The following CNTNAP2 variants were observed in gnomAD, a reference collection of about 807,000 sequenced individuals.
The protein encoded by CNTNAP2 is contactin-associated protein-like 2.
A neutral mutation model predicts 155.2 loss-of-function variants in CNTNAP2; 98 were observed. The observed-to-expected ratio is 0.63, with a 90% CI of 0.54 to 0.75. The LOEUF (loss-of-function observed/expected upper bound fraction) is 0.75. Among genes scored for constraint, CNTNAP2 ranks in the 30% least tolerant of loss-of-function variants. CNTNAP2 has a pLI of 0.00. For synonymous variants in CNTNAP2, 651 were observed against 631.2 expected (o/e 1.03, Z -0.47); for missense variants, 1,727 against 1,688.1 (o/e 1.02, Z -0.40).
chr7:146,789,799 C>T (rs1164127780), intron 2 of CNTNAP2, among the ~76,000 whole-genome samples: 2 of 151,248 alleles, frequency 1.3e-5, no homozygotes, highest in Non-Finnish European at 2.9e-5. Context: ...ATATTCAAAA[C>T]ACACCTGGGA....
chr7:147,535,878 G>A (rs115884591), intron 11 of CNTNAP2, among the ~76,000 whole-genome samples: 2,225 of 151,592 alleles, frequency 0.015, 58 homozygotes, highest in African/African-American at 0.051. Flanking sequence ...AAAGACAGGC[G>A]TTGCCAGGAA....
chr7:147,548,987 A>G (rs1799796904), intron 11 of CNTNAP2, among the ~76,000 whole-genome samples: 1 of 152,194 alleles, frequency 6.6e-6, no homozygotes, highest in Admixed American at 6.5e-5. Flanking sequence ...GTACCAGTAC[A>G]TGCTCTTTTG....
intron 13 of CNTNAP2, among the ~76,000 whole-genome samples, chr7:147,899,897 A>AC (rs1220223842): frequency 2.7e-5 from 2 of 74,132 alleles, no homozygotes; most frequent in Non-Finnish European, 6.4e-5. Flanking sequence ...CATCTCAAAA[A>AC]AAAAAAAAGA....
At chr7:147,588,439 T>C (rs1800674752) in intron 12 of CNTNAP2, among the ~76,000 whole-genome samples, 1 of 152,118 alleles carries the variant, frequency 6.6e-6, no homozygotes, top group Non-Finnish European at 1.5e-5. Flanking sequence ...TGAATAGATG[T>C]ATTAGAATTT....
intron 11 of CNTNAP2, among the ~76,000 whole-genome samples, chr7:147,520,007 G>A (rs571308652): frequency 3.9e-5 from 6 of 152,238 alleles, no homozygotes; most frequent in Non-Finnish European, 5.9e-5. Flanking sequence ...TGGAGGGAGC[G>A]TTTCTTTGAT....
chr7:147,854,520 A>G (rs1799003916), intron 13 of CNTNAP2, among the ~76,000 whole-genome samples: 1 of 152,102 alleles, frequency 6.6e-6, no homozygotes, highest in Non-Finnish European at 1.5e-5. Flanking sequence ...TTACAGTATC[A>G]ACTGCATACC....
At chr7:147,277,903 G>A (rs1055916977) in intron 8 of CNTNAP2, among the ~76,000 whole-genome samples, 1 of 150,902 alleles carries the variant, frequency 6.6e-6, no homozygotes, top group Non-Finnish European at 1.5e-5. Flanking sequence ...TTTGAAATTC[G>A]AAGTCCTTCA....
intron 9 of CNTNAP2, among the ~76,000 whole-genome samples, chr7:147,379,689 G>A (rs1419000875): frequency 6.6e-6 from 1 of 151,948 alleles, no homozygotes; most frequent in Non-Finnish European, 1.5e-5. Flanking sequence ...CCTCTTTGCT[G>A]ACTAGTTAAT....
chr7:146,822,521 C>T (rs534598256), intron 2 of CNTNAP2, among the ~76,000 whole-genome samples: 3 of 150,866 alleles, frequency 2.0e-5, no homozygotes, highest in Admixed American at 6.6e-5. Flanking sequence ...GTCCCACCTT[C>T]CCCTGTTTTT....
At chr7:146,462,731 C>G (rs758167542) in intron 1 of CNTNAP2, among the ~76,000 whole-genome samples, 1 of 152,086 alleles carries the variant, frequency 6.6e-6, no homozygotes, top group African/African-American at 2.4e-5. Context: ...ATGAGGCCCA[C>G]GCAGAGTTCT....
At chr7:146,754,574 C>T (rs1462086324) in intron 1 of CNTNAP2, among the ~76,000 whole-genome samples, 1 of 150,970 alleles carries the variant, frequency 6.6e-6, no homozygotes, top group Non-Finnish European at 1.5e-5. Context: ...CTCTCTCTCT[C>T]TCTCTTTTTA....
chr7:146,870,213 C>CTT (rs35523634), intron 3 of CNTNAP2, among the ~76,000 whole-genome samples: 296 of 143,112 alleles, frequency 2.1e-3, no homozygotes, highest in African/African-American at 6.5e-3. Flanking sequence ...AGGTCCTGGG[C>CTT]TTTTTTTTTT....
intron 15 of CNTNAP2, among the ~76,000 whole-genome samples, chr7:148,034,334 G>A (rs1349762620): frequency 6.6e-6 from 1 of 152,208 alleles, no homozygotes; most frequent in Admixed American, 6.5e-5. Flanking sequence ...TGTGTTGGAA[G>A]GTTGACCCCC....
At chr7:147,753,356 T>C (rs1797168663) in intron 13 of CNTNAP2, among the ~76,000 whole-genome samples, 1 of 152,234 alleles carries the variant, frequency 6.6e-6, no homozygotes, top group South Asian at 2.1e-4. Context: ...ACTCTCTTTC[T>C]GAGGCCCTAG....
intron 15 of CNTNAP2, among the ~76,000 whole-genome samples, chr7:148,069,260 G>A (rs1426014525): frequency 3.3e-5 from 5 of 152,180 alleles, no homozygotes; most frequent in African/African-American, 1.2e-4. Flanking sequence ...TAATTAAAAT[G>A]TAAAGTTTTA....
chr7:148,268,756 C>T (rs982390421), intron 21 of CNTNAP2, among the ~76,000 whole-genome samples: 7 of 152,098 alleles, frequency 4.6e-5, no homozygotes, highest in African/African-American at 1.2e-4. Context: ...CAATCTTCGT[C>T]ACAATTGTAT....
At chr7:146,528,378 C>T (rs920664742) in intron 1 of CNTNAP2, among the ~76,000 whole-genome samples, 3 of 152,102 alleles carry the variant, frequency 2.0e-5, no homozygotes, top group Non-Finnish European at 4.4e-5. Flanking sequence ...GTAACACAGT[C>T]GCTATGATTG....
chr7:146,899,578 A>C (rs2129213294), intron 3 of CNTNAP2, among the ~76,000 whole-genome samples: 1 of 152,326 alleles, frequency 6.6e-6, no homozygotes, highest in East Asian at 1.9e-4. Context: ...AACTTGTAAT[A>C]AAACAGGTTG....
At chr7:147,156,887 C>G (rs964223858) in intron 8 of CNTNAP2, among the ~76,000 whole-genome samples, 4 of 152,040 alleles carry the variant, frequency 2.6e-5, no homozygotes, top group African/African-American at 9.7e-5. Flanking sequence ...CATATGTCAC[C>G]TTTGATATCA....
Sources: gnomAD v4.1 joint callset for allele counts (sites outside exome capture counted in the v4.1 genomes callset) on GRCh38, gnomAD v4.1.1 for gene constraint, MANE v1.5 for transcripts, NCBI Gene and HGNC (gene_info 2026-07-23, HGNC 2026-07-21) for gene names.